The following KCNH7 variants were observed in gnomAD, a reference collection of about 807,000 sequenced individuals.
KCNH7 encodes potassium voltage-gated channel subfamily H member 7.
In KCNH7, 49 loss-of-function variants were observed where a neutral mutation model predicts 120.8. That is an observed-to-expected ratio of 0.41 (90% CI 0.32 to 0.51). The LOEUF is 0.51. Among genes scored for constraint, KCNH7 ranks in the 20% least tolerant of loss-of-function variants. The pLI is 0.38. For missense variants in KCNH7, 1,097 were observed against 1,446.6 expected (o/e 0.76, Z 3.92); for synonymous variants, 547 against 516.1 (o/e 1.06, Z -0.81).
intron 6 of KCNH7, among the ~76,000 whole-genome samples, chr2:162,499,811 G>A (rs764955096): frequency 3.7e-4 from 56 of 152,122 alleles, no homozygotes; most frequent in Non-Finnish European, 5.6e-4. Context: ...TCATTCTTTG[G>A]TACCTAGAGA....
intron 2 of KCNH7, among the ~76,000 whole-genome samples, chr2:162,833,397 A>G (rs1685546338): frequency 6.6e-6 from 1 of 152,142 alleles, no homozygotes; most frequent in South Asian, 2.1e-4. Flanking sequence ...TTTTTAAATG[A>G]ATGTATTATG....
At chr2:162,532,001 T>C (rs2105815768) in intron 3 of KCNH7, among the ~76,000 whole-genome samples, 1 of 152,052 alleles carries the variant, frequency 6.6e-6, no homozygotes, top group South Asian at 2.1e-4. Flanking sequence ...GTGATAAGGC[T>C]TCCAGCTTCC....
At chr2:162,708,511 AG>A (rs1411705517) in intron 2 of KCNH7, among the ~76,000 whole-genome samples, 1 of 152,094 alleles carries the variant, frequency 6.6e-6, no homozygotes, top group African/African-American at 2.4e-5. Context: ...ACAGGATCAA[AG>A]GAGGGAGAGA....
intron 6 of KCNH7, among the ~76,000 whole-genome samples, chr2:162,465,095 T>C (rs1272344760): frequency 6.6e-6 from 1 of 152,146 alleles, no homozygotes; most frequent in African/African-American, 2.4e-5. Context: ...AATTCAGCTT[T>C]ACCAAGACCT....
intron 2 of KCNH7, among the ~76,000 whole-genome samples, chr2:162,610,750 TC>T (rs1682936366): frequency 6.6e-6 from 1 of 152,202 alleles, no homozygotes; most frequent in Non-Finnish European, 1.5e-5. Flanking sequence ...TAATGTGTTT[TC>T]TTTTTCACCT....
intron 2 of KCNH7, among the ~76,000 whole-genome samples, chr2:162,631,373 C>T (rs535617557): frequency 7.9e-5 from 12 of 151,914 alleles, no homozygotes; most frequent in East Asian, 1.9e-4. Context: ...AGCAGATCTC[C>T]CTGTGATGAT....
At chr2:162,559,306 G>T (rs1574101273) in intron 2 of KCNH7, among the ~76,000 whole-genome samples, 1 of 152,036 alleles carries the variant, frequency 6.6e-6, no homozygotes, top group South Asian at 2.1e-4. Context: ...TAATTACAAG[G>T]CCAGGTTCAA....
At chr2:162,565,713 T>C (rs1245707395) in intron 2 of KCNH7, among the ~76,000 whole-genome samples, 1 of 152,066 alleles carries the variant, frequency 6.6e-6, no homozygotes, top group Non-Finnish European at 1.5e-5. Flanking sequence ...TTATACGGTT[T>C]ATTGATTTAT....
chr2:162,822,010 A>G (rs928477437), intron 2 of KCNH7, among the ~76,000 whole-genome samples: 3 of 151,632 alleles, frequency 2.0e-5, no homozygotes, highest in African/African-American at 7.3e-5. Context: ...TATTTTCAAT[A>G]TAGCCACACC....
At chr2:162,387,795 C>T (rs970150571) in intron 12 of KCNH7, among the ~76,000 whole-genome samples, 8 of 151,810 alleles carry the variant, frequency 5.3e-5, no homozygotes, top group African/African-American at 9.6e-5. Flanking sequence ...CCTAATGGAA[C>T]GACTGACCCA....
rs144665847 is a variant in KCNH7 at position 162,766,294 on chromosome 2, G to A, written c.307+70243C>T. Among the ~76,000 whole-genome samples the A allele has an allele frequency of 5.0e-3, 756 of 152,168 alleles. 8 individuals are homozygous for A. Among genetic ancestry groups the A allele is most frequent in the African/African-American group, 0.017 (726 of 41,520 alleles). On this transcript the variant is annotated intron_variant, in intron 2 of 15. Transcript: ENST00000332142. ...AGCGTTGCTCACATTTGGCACATGC[G>A]CCTTGACGTGAAACAACAGGTTAAG...
At chr2:162,465,930 T>G (rs1689291381) in intron 6 of KCNH7, among the ~76,000 whole-genome samples, 1 of 152,178 alleles carries the variant, frequency 6.6e-6, no homozygotes, top group African/African-American at 2.4e-5. Flanking sequence ...GCATGTTGTT[T>G]TGAACTAAAC....
intron 9 of KCNH7, among the ~76,000 whole-genome samples, chr2:162,413,719 T>C (rs1272101661): frequency 2.0e-5 from 3 of 151,972 alleles, no homozygotes; most frequent in Middle Eastern, 3.2e-3. Context: ...AGTAGGGCCT[T>C]TTTAAAACAG....
intron 2 of KCNH7, among the ~76,000 whole-genome samples, chr2:162,775,248 G>C (rs1391439735): frequency 6.6e-6 from 1 of 152,116 alleles, no homozygotes; most frequent in Non-Finnish European, 1.5e-5. Flanking sequence ...TTAACAGTGA[G>C]TCTAGTTTTA....
At chr2:162,568,058 A>T (rs1449412036) in intron 2 of KCNH7, among the ~76,000 whole-genome samples, 2 of 152,026 alleles carry the variant, frequency 1.3e-5, no homozygotes, top group Non-Finnish European at 2.9e-5. Context: ...GGCCTCAGGA[A>T]ACTTAACAAT....
At chr2:162,627,300 A>G (rs1181127705) in intron 2 of KCNH7, among the ~76,000 whole-genome samples, 2 of 152,210 alleles carry the variant, frequency 1.3e-5, no homozygotes, top group Non-Finnish European at 2.9e-5. Flanking sequence ...CTGGAATAAC[A>G]AAGAGGTTGA....
Position 162,804,735 on chromosome 2 carries a change from T to C in KCNH7, c.307+31802A>G, listed in dbSNP as rs1334095153. Among the ~76,000 whole-genome samples, 8 of 147,010 alleles carry C rather than the reference T, an allele frequency of 5.4e-5. No individual in the cohort carries two copies. The Admixed American group carries it at 5.5e-4, about 10-fold the overall frequency. On this transcript the variant is annotated intron_variant, in intron 2 of 15. Coordinates refer to ENST00000332142, the MANE Select transcript of KCNH7 (RefSeq NM_033272.4). ...ATACAAACATCATTTTTCATAGATTTAGAAGAAAAGCCTTAAAATTCATAT... is the reference window on the plus strand; with the variant it reads ...ATACAAACATCATTTTTCATAGATTCAGAAGAAAAGCCTTAAAATTCATAT...
chr2:162,569,606 T>C (rs1574114190), intron 2 of KCNH7, among the ~76,000 whole-genome samples: 1 of 147,560 alleles, frequency 6.8e-6, no homozygotes, highest in East Asian at 2.0e-4. Flanking sequence ...TTTCTAGTTC[T>C]TTTAATTGTG....
At chr2:162,639,786 C>A (rs1684083834) in intron 2 of KCNH7, among the ~76,000 whole-genome samples, 1 of 151,984 alleles carries the variant, frequency 6.6e-6, no homozygotes, top group Non-Finnish European at 1.5e-5. Flanking sequence ...AAAACTGTTC[C>A]TATTTGTAGT....
Sources: allele counts gnomAD v4.1 joint callset (sites outside exome capture counted in the v4.1 genomes callset), GRCh38; gene constraint gnomAD v4.1.1; transcripts MANE v1.5; gene names NCBI Gene and HGNC (gene_info 2026-07-23, HGNC 2026-07-21).